The following CSMD2 variants were observed in gnomAD, a reference collection of about 807,000 sequenced individuals.
The protein encoded by CSMD2 is CUB and sushi domain-containing protein 2.
A neutral mutation model predicts 398.5 loss-of-function variants in CSMD2; 130 were observed. The ratio of observed to expected loss-of-function variants is 0.33; its 90% CI spans 0.28 to 0.38. CSMD2 has a LOEUF of 0.38. Among genes scored for constraint, CSMD2 ranks in the 10% least tolerant of loss-of-function variants. The probability of loss-of-function intolerance (pLI) is 1.00; values close to 1 mark genes in which losing one functional copy is unlikely to be tolerated. For synonymous variants in CSMD2, 1,828 were observed against 1,908.5 expected (o/e 0.96, Z 1.10); for missense variants, 3,829 against 4,764.9 (o/e 0.80, Z 5.78).
chr1:34,080,685 T>G (rs555645157), intron 2 of CSMD2, among the ~76,000 whole-genome samples: 1 of 152,220 alleles, frequency 6.6e-6, no homozygotes, highest in East Asian at 1.9e-4. Flanking sequence ...AAAGCTATAC[T>G]TAGGGGAAAA....
chr1:33,773,399 T>A (rs1651541187), intron 12 of CSMD2, among the ~76,000 whole-genome samples: 1 of 152,240 alleles, frequency 6.6e-6, no homozygotes, highest in Admixed American at 6.5e-5. Flanking sequence ...AACAAATGAC[T>A]CATTGAGTAT....
chr1:33,765,547 A>G (rs891657997), intron 13 of CSMD2, among the ~76,000 whole-genome samples: 2 of 152,230 alleles, frequency 1.3e-5, no homozygotes, highest in South Asian at 2.1e-4. Context: ...TCATCTAAGT[A>G]AACTCCAGAT....
chr1:33,714,565 A>G, intron 21 of CSMD2, 22 bp downstream of exon 21: 2 of 1,611,290 alleles, frequency 1.2e-6, no homozygotes, highest in Non-Finnish European at 1.7e-6. Flanking sequence ...GTGAAGCAAA[A>G]TGAAAGCACG....
chr1:33,701,480 C>G (rs1468669780), intron 22 of CSMD2, among the ~76,000 whole-genome samples: 1 of 152,186 alleles, frequency 6.6e-6, no homozygotes, highest in East Asian at 1.9e-4. Flanking sequence ...TGAAAGACCC[C>G]CTGGTGCTTT....
At chr1:33,831,630 C>A (rs1659574741) in intron 6 of CSMD2, among the ~76,000 whole-genome samples, 1 of 151,820 alleles carries the variant, frequency 6.6e-6, no homozygotes. Context: ...CAGCTAACAT[C>A]ATCATGACAG....
At chr1:33,640,542 A>G (rs1480687047) in intron 29 of CSMD2, among the ~76,000 whole-genome samples, 2 of 152,216 alleles carry the variant, frequency 1.3e-5, no homozygotes, top group African/African-American at 4.8e-5. Context: ...AGCAGAGCTG[A>G]GCAGTGGCAA....
chr1:33,719,250 C>G (rs751947667), intron 19 of CSMD2, among the ~76,000 whole-genome samples: 168 of 152,330 alleles, frequency 1.1e-3, no homozygotes, highest in Non-Finnish European at 1.9e-3. Flanking sequence ...AATATACGTC[C>G]TTTCCCTCCT....
intron 2 of CSMD2, among the ~76,000 whole-genome samples, chr1:34,087,693 G>A (rs910168976): frequency 2.6e-5 from 4 of 151,602 alleles, no homozygotes; most frequent in Admixed American, 2.6e-4. Flanking sequence ...CTTACCCTGT[G>A]TGCTTTGTCT....
rs141450529 is a variant in CSMD2 at position 33,545,477 on chromosome 1, G to A, written c.9100+560C>T. 3.9e-5 allele frequency among the ~76,000 whole-genome samples: 6 copies of A among 152,326 alleles called. No homozygotes were observed. The South Asian group carries it at 1.0e-3, about 26-fold the overall frequency. On this transcript the variant is annotated intron_variant, in intron 57 of 70. Coordinates refer to ENST00000373381, the MANE Select transcript of CSMD2 (RefSeq NM_001281956.2). ...ACTGTAAGCCCCAGGAGATCAAGAT[G>A]TGTGTCTCCGTCTGTTCAGGCTTGG...
At chr1:34,026,843 G>T (rs373357226) in intron 3 of CSMD2, among the ~76,000 whole-genome samples, 38 of 152,250 alleles carry the variant, frequency 2.5e-4, no homozygotes, top group African/African-American at 8.7e-4. Flanking sequence ...GAAGATGCAG[G>T]CTTCCATGAA....
intron 1 of CSMD2, among the ~76,000 whole-genome samples, chr1:34,092,784 G>T (rs1384399332): frequency 3.3e-5 from 5 of 151,486 alleles, no homozygotes; most frequent in African/African-American, 1.2e-4. Flanking sequence ...CTGATTGCTA[G>T]CACAGCAGTC....
intron 2 of CSMD2, among the ~76,000 whole-genome samples, chr1:34,058,506 G>C (rs1469656483): frequency 1.3e-5 from 2 of 152,342 alleles, no homozygotes; most frequent in East Asian, 3.9e-4. Flanking sequence ...TTGAGCTACA[G>C]CGTGCAAGGC....
chr1:33,766,868 T>C (rs998597673), intron 13 of CSMD2, among the ~76,000 whole-genome samples: 2 of 152,260 alleles, frequency 1.3e-5, no homozygotes, highest in South Asian at 4.1e-4. Flanking sequence ...ACCATACGTT[T>C]TGAGTCTTGT....
intron 6 of CSMD2, among the ~76,000 whole-genome samples, chr1:33,842,062 A>G (rs974032263): frequency 6.6e-6 from 1 of 152,028 alleles, no homozygotes; most frequent in African/African-American, 2.4e-5. Context: ...CCCAGAATCA[A>G]TGTGTCCCAA....
At chr1:33,904,415 A>G (rs538507970) in intron 5 of CSMD2, among the ~76,000 whole-genome samples, 72 of 152,378 alleles carry the variant, frequency 4.7e-4, no homozygotes, top group African/African-American at 1.6e-3. Context: ...TGTGGTTTAG[A>G]CATACAAGGG....
chr1:33,882,857 T>C (rs1048421840), intron 5 of CSMD2, among the ~76,000 whole-genome samples: 1 of 152,198 alleles, frequency 6.6e-6, no homozygotes, highest in African/African-American at 2.4e-5. Context: ...CTTCCTCCTT[T>C]TCTTCCCTTC....
chr1:33,833,480 T>C (rs1659852151), intron 6 of CSMD2, among the ~76,000 whole-genome samples: 1 of 149,090 alleles, frequency 6.7e-6, no homozygotes, highest in Non-Finnish European at 1.5e-5. Flanking sequence ...CTCAATAAAT[T>C]AGGTATTGAT....
chr1:34,154,195 T>C (rs1419177565), intron 1 of CSMD2, among the ~76,000 whole-genome samples: 1 of 152,162 alleles, frequency 6.6e-6, no homozygotes, highest in Non-Finnish European at 1.5e-5. Flanking sequence ...GAGATGGCAC[T>C]TTACACTCCT....
intron 55 of CSMD2, among the ~76,000 whole-genome samples, chr1:33,553,386 A>G (rs1657650332): frequency 6.6e-6 from 1 of 152,222 alleles, no homozygotes; most frequent in Admixed American, 6.5e-5. Context: ...TGAACCATGC[A>G]CACATAAAAT....
Sources: gnomAD v4.1 joint callset for allele counts (sites outside exome capture counted in the v4.1 genomes callset) on GRCh38, gnomAD v4.1.1 for gene constraint, MANE v1.5 for transcripts, NCBI Gene and HGNC (gene_info 2026-07-23, HGNC 2026-07-21) for gene names.